Variants in MGAT4C observed in about 807,000 individuals in gnomAD.
The protein encoded by MGAT4C is alpha-1,3-mannosyl-glycoprotein 4-beta-N-acetylglucosaminyltransferase C.
In MGAT4C, 19 loss-of-function variants were observed where a neutral mutation model predicts 40.1. That is an observed-to-expected ratio of 0.47 (90% confidence interval 0.33 to 0.70). The LOEUF is 0.70. Among genes scored for constraint, MGAT4C ranks in the 30% least tolerant of loss-of-function variants. The probability of loss-of-function intolerance (pLI) is 0.02; values close to 1 mark genes in which losing one functional copy is unlikely to be tolerated. For missense variants in MGAT4C, 491 were observed against 563.2 expected, an observed-to-expected ratio of 0.87 and a Z score of 1.30; for synonymous variants, 181 against 187.1, an observed-to-expected ratio of 0.97 and a Z score of 0.27.
chr12:86,468,600 G>A (rs752872319), intron 2 of MGAT4C, among the ~76,000 whole-genome samples: 1 of 151,600 alleles, frequency 6.6e-6, no homozygotes, highest in Admixed American at 6.6e-5. Context: ...TAAAATAAAA[G>A]TCTAAAGCTT....
At position 86,004,532 on chromosome 12, in the gene MGAT4C, T is replaced by A. The variant is rs535021809; in HGVS notation, c.-6-14980A>T. On this transcript the variant is annotated intron_variant, in intron 2 of 4. Transcript: ENST00000611864. The stretch of plus-strand genomic sequence containing the variant: ...AGCTACAAGCCATAATGCTTCATGA[T>A]GGTGTTGATTAATTTAGAGACCATA... Among the ~76,000 whole-genome samples, 165 of 152,310 alleles carry A rather than the reference T, an allele frequency of 1.1e-3. 1 individual carries two copies. Among genetic ancestry groups the A allele is most frequent in the African/African-American group, 3.8e-3 (160 of 41,586 alleles).
Position 86,500,897 on chromosome 12 carries a change from T to C in MGAT4C, c.-228-65632A>G, listed in dbSNP as rs113512597. ...TCGAATTTGATTTATTGCTTGAATG[T>C]AATCTTAGTTTATCATGTGAAAAGC... On this transcript the variant is annotated intron_variant, in intron 2 of 7. Transcript: ENST00000548651. Among the ~76,000 whole-genome samples the C allele has an allele frequency of 3.3e-3, 502 of 152,252 alleles. 2 individuals are homozygous for C. Among genetic ancestry groups the C allele is most frequent in the African/African-American group, 0.012 (485 of 41,580 alleles).
intron 2 of MGAT4C, among the ~76,000 whole-genome samples, chr12:86,494,891 A>G (rs762227804): frequency 6.6e-6 from 1 of 152,102 alleles, no homozygotes; most frequent in African/African-American, 2.4e-5. Flanking sequence ...AGAAATAGTA[A>G]TAAGATATGT....
chr12:86,694,103 A>G lies in MGAT4C; in HGVS notation c.-229+33106T>C, dbSNP rs768252537. ...GTACTGTTTAGGAATGAATTATGAT[A>G]AATTTCCAAATACATTATCATGACC... On this transcript the variant is annotated intron_variant, in intron 2 of 7. Coordinates refer to the MGAT4C transcript ENST00000548651. Among the ~76,000 whole-genome samples the G allele has an allele frequency of 3.3e-4, 50 of 152,204 alleles. 1 individual carries two copies. Among genetic ancestry groups the G allele is most frequent in the Non-Finnish European group, 4.9e-4 (33 of 68,018 alleles).
chr12:86,040,771 C>T (rs778967988), intron 2 of MGAT4C, among the ~76,000 whole-genome samples: 1 of 152,100 alleles, frequency 6.6e-6, no homozygotes, highest in African/African-American at 2.4e-5. Flanking sequence ...GCTCAGTGTC[C>T]GCCCAAACTG....
At chr12:86,833,313 T>C (rs1375332580) in intron 1 of MGAT4C, among the ~76,000 whole-genome samples, 1 of 151,858 alleles carries the variant, frequency 6.6e-6, no homozygotes, top group African/African-American at 2.4e-5. Flanking sequence ...CACAGAATAA[T>C]ATGCAACAGA....
At chr12:86,272,845 C>T (rs992583417) in intron 4 of MGAT4C, among the ~76,000 whole-genome samples, 2 of 151,772 alleles carry the variant, frequency 1.3e-5, no homozygotes, top group Admixed American at 6.6e-5. Context: ...AAAGTGAGAC[C>T]CTGTCTCAAA....
In MGAT4C at chr12:86,170,062, T is replaced by C. The variant is rs112782351; in HGVS notation, c.-57+86177A>G. On this transcript the variant is annotated intron_variant, in intron 1 of 4. Coordinates refer to ENST00000611864, the MANE Select transcript of MGAT4C (RefSeq NM_001351288.2). ...CCAACAACCAGTATATGATTTAGAATGGAAGAATTGATTGGGAACTTTTTA... is the reference window on the plus strand; with the variant it reads ...CCAACAACCAGTATATGATTTAGAACGGAAGAATTGATTGGGAACTTTTTA... 4.8e-3 allele frequency among the ~76,000 whole-genome samples: 735 copies of C among 152,266 alleles called. 2 individuals are homozygous for C. Among genetic ancestry groups the C allele is most frequent in the African/African-American group, 0.013 (530 of 41,560 alleles).
intron 1 of MGAT4C, among the ~76,000 whole-genome samples, chr12:86,206,939 A>G (rs1950280928): frequency 6.6e-6 from 1 of 152,158 alleles, no homozygotes; most frequent in South Asian, 2.1e-4. Flanking sequence ...TAACTGCCAT[A>G]TGCCAGGTAC....
At chr12:86,554,277 G>A (rs1221123586) in intron 2 of MGAT4C, among the ~76,000 whole-genome samples, 2 of 152,054 alleles carry the variant, frequency 1.3e-5, no homozygotes, top group Non-Finnish European at 2.9e-5. Flanking sequence ...ACCCACTGCT[G>A]CATGCTCTCT....
chr12:86,230,112 AGTGT>A (rs1951255820), intron 1 of MGAT4C, among the ~76,000 whole-genome samples: 1 of 152,098 alleles, frequency 6.6e-6, no homozygotes, highest in African/African-American at 2.4e-5. Flanking sequence ...ATCCTATGAT[AGTGT>A]CTAGTATATA....
chr12:86,768,658 A>T (rs1951565463), intron 1 of MGAT4C, among the ~76,000 whole-genome samples: 2 of 152,140 alleles, frequency 1.3e-5, no homozygotes, highest in African/African-American at 4.8e-5. Flanking sequence ...TGGTACTGGT[A>T]CCAAAACAGA....
intron 2 of MGAT4C, among the ~76,000 whole-genome samples, chr12:86,001,205 C>CA (rs1253643264): frequency 3.9e-5 from 6 of 152,008 alleles, no homozygotes; most frequent in Non-Finnish European, 7.4e-5. Context: ...GCCAGTTTAG[C>CA]AAAAAATTAT....
intron 3 of MGAT4C, among the ~76,000 whole-genome samples, chr12:86,367,803 A>AAAAC (rs201398634): frequency 0.078 from 11,837 of 151,808 alleles, 643 homozygotes; most frequent in Middle Eastern, 0.2. Context: ...CCGTCTCAAA[A>AAAAC]AAACAAACAA....
intron 3 of MGAT4C, among the ~76,000 whole-genome samples, chr12:86,405,655 C>A (rs1308663640): frequency 6.6e-6 from 1 of 151,510 alleles, no homozygotes; most frequent in African/African-American, 2.4e-5. Context: ...TGAGCTAAAA[C>A]AATCTTGAAA....
chr12:86,149,404 C>T (rs921216319), intron 1 of MGAT4C, among the ~76,000 whole-genome samples: 2 of 152,114 alleles, frequency 1.3e-5, no homozygotes, highest in Middle Eastern at 3.2e-3. Context: ...TTCATTTTAA[C>T]TTATGTAACC....
intron 2 of MGAT4C, among the ~76,000 whole-genome samples, chr12:86,566,758 G>GTA (rs1960144900): frequency 6.8e-6 from 1 of 146,430 alleles, no homozygotes; most frequent in South Asian, 2.2e-4. Flanking sequence ...CTGTGTGTGT[G>GTA]TGTATATATA....
intron 2 of MGAT4C, among the ~76,000 whole-genome samples, chr12:86,627,250 A>G (rs1440835529): frequency 6.6e-6 from 1 of 152,192 alleles, no homozygotes; most frequent in Non-Finnish European, 1.5e-5. Context: ...ACCACAGCTC[A>G]GCGAGGCTCA....
chr12:86,457,689 C>T (rs1957531760), intron 2 of MGAT4C, among the ~76,000 whole-genome samples: 2 of 152,080 alleles, frequency 1.3e-5, no homozygotes, highest in African/African-American at 4.8e-5. Context: ...CTTCTAGTCA[C>T]AGACTTTAGA....
Sources: gnomAD v4.1 joint callset for allele counts (sites outside exome capture counted in the v4.1 genomes callset) on GRCh38, gnomAD v4.1.1 for gene constraint, MANE v1.5 for transcripts, NCBI Gene and HGNC (gene_info 2026-07-23, HGNC 2026-07-21) for gene names.